The following CSMD1 variants were observed in gnomAD, a reference collection of about 807,000 sequenced individuals.
CSMD1 encodes CUB and Sushi multiple domains 1.
Under a neutral mutation model 417.5 loss-of-function variants are expected in CSMD1, and 213 were observed. That is an observed-to-expected ratio of 0.51 (90% confidence interval 0.46 to 0.57). CSMD1 has a LOEUF of 0.57. Ranked by LOEUF, CSMD1 falls within the 20% of genes least tolerant of loss-of-function variation. The pLI, the probability that CSMD1 is intolerant of heterozygous loss-of-function variation, is 0.00. For missense variants in CSMD1, 6,923 were observed against 4,529.7 expected, an observed-to-expected ratio of 1.53 and a Z score of -15.17; for synonymous variants, 2,862 against 1,736.8, an observed-to-expected ratio of 1.65 and a Z score of -16.11.
intron 62 of CSMD1, among the ~76,000 whole-genome samples, chr8:2,959,007 A>C (rs1803244262): frequency 6.6e-6 from 1 of 152,242 alleles, no homozygotes; most frequent in Non-Finnish European, 1.5e-5. Flanking sequence ...TATAAAGAAA[A>C]GTACAAATTT....
At chr8:3,416,872 C>A (rs540561480) in intron 12 of CSMD1, among the ~76,000 whole-genome samples, 3 of 152,194 alleles carry the variant, frequency 2.0e-5, no homozygotes, top group Non-Finnish European at 4.4e-5. Flanking sequence ...CCTTCCAAAA[C>A]CACTTATGAA....
intron 37 of CSMD1, among the ~76,000 whole-genome samples, chr8:3,177,155 G>C (rs138172658): frequency 9.1e-4 from 139 of 152,248 alleles, no homozygotes; most frequent in Middle Eastern, 3.4e-3. Context: ...AAAACAATGG[G>C]GAAAGGCGAC....
intron 3 of CSMD1, among the ~76,000 whole-genome samples, chr8:4,226,561 T>G (rs1350892072): frequency 6.6e-6 from 1 of 152,178 alleles, no homozygotes; most frequent in Admixed American, 6.5e-5. Context: ...ATACCATAAG[T>G]TGAAAAAACT....
intron 7 of CSMD1, among the ~76,000 whole-genome samples, chr8:3,647,359 A>G (rs1167026625): frequency 3.5e-5 from 5 of 141,694 alleles, no homozygotes; most frequent in African/African-American, 5.4e-5. Flanking sequence ...GAGAAATATC[A>G]CGTAAAGTGA....
At position 2,965,828 on chromosome 8, in the gene CSMD1, G is replaced by A; in HGVS notation, c.9227C>T (p.Thr3076Ile). 30 of 1,608,938 alleles carry A rather than the reference G, an allele frequency of 1.9e-5. No individual in the cohort carries two copies. The highest frequency in any genetic ancestry group is 2.5e-5 in the Non-Finnish European group (30 of 1,177,550). The part of the protein sequence containing the change: ...GYVMEAVTSA[T>I]IRCTKDGRWN... ...CCTGCCGTCTTTGGTACAGCGAATA[G>A]TGGCGGATGTGACTGCTTCCATGAC... The change falls in exon 59 of 70, where the codon ACT becomes ATT. Residue 3076 changes from threonine (T) to isoleucine (I), a missense_variant. Thr to Ile is a moderately conservative substitution (Grantham distance 89). Coordinates refer to ENST00000635120, the MANE Select transcript of CSMD1 (RefSeq NM_033225.6).
At chr8:4,785,024 T>C (rs1209614226) in intron 1 of CSMD1, among the ~76,000 whole-genome samples, 1 of 152,176 alleles carries the variant, frequency 6.6e-6, no homozygotes, top group Non-Finnish European at 1.5e-5. Flanking sequence ...CTGAAATCAG[T>C]TCTGGGCACT....
chr8:2,987,418 A>G lies in CSMD1; in HGVS notation c.8378-8618T>C, dbSNP rs1409639972. 2.7e-5 allele frequency among the ~76,000 whole-genome samples: 4 copies of G among 148,090 alleles called. No individual in the cohort carries two copies. The East Asian group carries it at 7.8e-4, about 29-fold the overall frequency. Reference sequence around the variant, plus strand: ...ACAGAAATATTTCTTTCTATATAATATATACATAAATATATATAAGAAATA... The same window carrying G: ...ACAGAAATATTTCTTTCTATATAATGTATACATAAATATATATAAGAAATA... On this transcript the variant is annotated intron_variant, in intron 54 of 69. Coordinates refer to ENST00000635120, the MANE Select transcript of CSMD1 (RefSeq NM_033225.6).
chr8:3,744,761 C>G (rs992584389), intron 6 of CSMD1, among the ~76,000 whole-genome samples: 4 of 152,160 alleles, frequency 2.6e-5, no homozygotes, highest in African/African-American at 9.7e-5. Flanking sequence ...TGTAGGTACT[C>G]TCAAGACTTG....
At chr8:4,012,090 CAT>C (rs910356952) in intron 4 of CSMD1, among the ~76,000 whole-genome samples, 1 of 152,088 alleles carries the variant, frequency 6.6e-6, no homozygotes, top group African/African-American at 2.4e-5. Flanking sequence ...ATATTGTAGA[CAT>C]AGCCACAATG....
intron 1 of CSMD1, among the ~76,000 whole-genome samples, chr8:4,668,173 G>C (rs907251904): frequency 6.6e-6 from 1 of 152,036 alleles, no homozygotes; most frequent in Non-Finnish European, 1.5e-5. Context: ...CACTGCCATG[G>C]ATTTGAGTAT....
At chr8:4,129,943 T>C (rs998763355) in intron 3 of CSMD1, among the ~76,000 whole-genome samples, 5 of 152,198 alleles carry the variant, frequency 3.3e-5, no homozygotes, top group African/African-American at 1.2e-4. Context: ...TTTAAGTTCT[T>C]ATATCTTGCA....
chr8:3,600,405 T>A (rs141623901), intron 8 of CSMD1, among the ~76,000 whole-genome samples: 1 of 152,198 alleles, frequency 6.6e-6, no homozygotes, highest in African/African-American at 2.4e-5. Flanking sequence ...CCCTAGAATA[T>A]GAATACAGAA....
rs747738493 is a variant in CSMD1 at position 4,909,134 on chromosome 8, TTC to T, written c.85+85196_85+85197del. Among the ~76,000 whole-genome samples the T allele has an allele frequency of 2.0e-4, 30 of 152,300 alleles. No homozygotes were observed. The East Asian group carries it at 5.6e-3, about 28-fold the overall frequency. On this transcript the variant is annotated intron_variant, in intron 1 of 69. Coordinates refer to ENST00000635120, the MANE Select transcript of CSMD1 (RefSeq NM_033225.6). Reference sequence around the variant, plus strand: ...GGTGTAGGTGTCAGAGGATTTGATTTTCTTCTCAGAGAGGACTGTCCCTGGCA... The same window carrying T: ...GGTGTAGGTGTCAGAGGATTTGATTTTTCTCAGAGAGGACTGTCCCTGGCA...
At chr8:4,104,530 T>C (rs1412608857) in intron 3 of CSMD1, among the ~76,000 whole-genome samples, 1 of 145,732 alleles carries the variant, frequency 6.9e-6, no homozygotes, top group Non-Finnish European at 1.5e-5. Context: ...TCCCACACCC[T>C]AAATTTGCAA....
chr8:3,033,781 C>G (rs997179567), intron 50 of CSMD1, among the ~76,000 whole-genome samples: 1 of 151,954 alleles, frequency 6.6e-6, no homozygotes, highest in African/African-American at 2.4e-5. Context: ...ATAAAATAAA[C>G]TTAAAGTAAA....
intron 5 of CSMD1, among the ~76,000 whole-genome samples, chr8:3,979,876 C>A (rs1262190630): frequency 1.3e-5 from 2 of 152,288 alleles, no homozygotes; most frequent in Middle Eastern, 3.4e-3. Flanking sequence ...TGTAGACAGT[C>A]ACAAATAAAC....
chr8:3,091,128 C>T (rs1814915037), intron 48 of CSMD1, among the ~76,000 whole-genome samples: 1 of 151,822 alleles, frequency 6.6e-6, no homozygotes, highest in South Asian at 2.1e-4. Context: ...AAAAACATAA[C>T]TATTAATAGT....
intron 10 of CSMD1, among the ~76,000 whole-genome samples, chr8:3,513,137 A>G (rs1447458111): frequency 7.1e-6 from 1 of 141,590 alleles, no homozygotes; most frequent in African/African-American, 3.0e-5. Context: ...ATTTTTTTTT[A>G]TATGCCTTTA....
At chr8:3,456,867 G>T (rs1367443382) in intron 12 of CSMD1, among the ~76,000 whole-genome samples, 1 of 152,012 alleles carries the variant, frequency 6.6e-6, no homozygotes, top group Non-Finnish European at 1.5e-5. Context: ...CAGGTCTCTT[G>T]GCTAAGCTCT....
Sources: allele counts gnomAD v4.1 joint callset (sites outside exome capture counted in the v4.1 genomes callset), GRCh38; gene constraint gnomAD v4.1.1; transcripts MANE v1.5; gene names NCBI Gene and HGNC (gene_info 2026-07-23, HGNC 2026-07-21).